Variants in ARL3 observed in about 807,000 individuals in gnomAD.
The protein encoded by ARL3 is ARF like GTPase 3, also known as ADP-ribosylation factor-like protein 3.
In ARL3, 9 loss-of-function variants were observed where a neutral mutation model predicts 26.0. The ratio of observed to expected loss-of-function variants is 0.35; its 90% CI spans 0.21 to 0.60. The LOEUF (loss-of-function observed/expected upper bound fraction) is 0.60. Ranked by LOEUF, ARL3 falls within the 20% of genes least tolerant of loss-of-function variation. The pLI, the probability that ARL3 is intolerant of heterozygous loss-of-function variation, is 0.78. For missense variants in ARL3, 158 were observed against 215.7 expected (o/e 0.73, Z 1.67); for synonymous variants, 71 against 78.4 (o/e 0.91, Z 0.50).
At chr10:102,678,012 A>G (rs1010965427) in intron 5 of ARL3, among the ~76,000 whole-genome samples, 13 of 152,154 alleles carry the variant, frequency 8.5e-5, no homozygotes, top group African/African-American at 3.1e-4. Flanking sequence ...CATTAATCCC[A>G]TAAACAATAC....
At chr10:102,702,933 G>A (rs907853605) in intron 2 of ARL3, among the ~76,000 whole-genome samples, 53 of 152,170 alleles carry the variant, frequency 3.5e-4, no homozygotes, top group African/African-American at 1.2e-3. Flanking sequence ...GTCTTATCAC[G>A]GTACAGTGAT....
intron 1 of ARL3, 34 bp downstream of exon 1, chr10:102,714,239 C>T: frequency 7.6e-7 from 1 of 1,313,384 alleles, no homozygotes. Context: ...GGATAACCGG[C>T]CGGCTCCAAG....
chr10:102,687,827 C>T (rs1172798808), intron 4 of ARL3, among the ~76,000 whole-genome samples: 1 of 152,090 alleles, frequency 6.6e-6, no homozygotes, highest in Non-Finnish European at 1.5e-5. Context: ...ACACCTGGCC[C>T]ATAGAACACT....
chr10:102,713,792 T>C (rs973814969), intron 1 of ARL3, among the ~76,000 whole-genome samples: 3 of 152,164 alleles, frequency 2.0e-5, no homozygotes, highest in African/African-American at 7.2e-5. Context: ...AGAGCTAGGC[T>C]ACCATCTCCC....
At chr10:102,704,690 A>G (rs1453000641) in intron 2 of ARL3, among the ~76,000 whole-genome samples, 1 of 152,094 alleles carries the variant, frequency 6.6e-6, no homozygotes, top group Non-Finnish European at 1.5e-5. Flanking sequence ...GAATATAGGT[A>G]CTCAGATCTG....
At chr10:102,708,878 ACCATATAT>A (rs2064322853) in intron 1 of ARL3, among the ~76,000 whole-genome samples, 1 of 124,272 alleles carries the variant, frequency 8.0e-6, no homozygotes, top group African/African-American at 2.9e-5. Flanking sequence ...AAAAAATAAA[ACCATATAT>A]TATATATATA....
chr10:102,683,120 C>T (rs1238120555), intron 5 of ARL3, among the ~76,000 whole-genome samples: 1 of 152,118 alleles, frequency 6.6e-6, no homozygotes, highest in African/African-American at 2.4e-5. Context: ...ACTTAAGTGA[C>T]TCTTTTTAAG....
chr10:102,709,835 C>G (rs2064329232), intron 1 of ARL3, among the ~76,000 whole-genome samples: 2 of 151,906 alleles, frequency 1.3e-5, no homozygotes, highest in Non-Finnish European at 2.9e-5. Context: ...GAGTTTGAGA[C>G]CAACCTGGCC....
intron 2 of ARL3, 90 bp downstream of exon 2, chr10:102,705,256 T>C (rs1414409960): frequency 2.9e-6 from 4 of 1,396,562 alleles, no homozygotes; most frequent in South Asian, 1.7e-5. Flanking sequence ...AACTTGGAAG[T>C]GGACAAAACT....
chr10:102,701,495 C>CTGAA (rs2064279255), intron 2 of ARL3, among the ~76,000 whole-genome samples: 1 of 152,118 alleles, frequency 6.6e-6, no homozygotes, highest in South Asian at 2.1e-4. Context: ...ACGCCAATGA[C>CTGAA]TGAATACATT....
At chr10:102,710,020 C>T (rs2064329975) in intron 1 of ARL3, among the ~76,000 whole-genome samples, 1 of 151,214 alleles carries the variant, frequency 6.6e-6, no homozygotes, top group Admixed American at 6.6e-5. Flanking sequence ...GGCCACAGAG[C>T]TAGACTGTTT....
At chr10:102,688,576 A>G (rs934241855) in intron 4 of ARL3, among the ~76,000 whole-genome samples, 30 of 147,242 alleles carry the variant, frequency 2.0e-4, no homozygotes, top group Non-Finnish European at 3.8e-4. Flanking sequence ...ATCTCGGCTC[A>G]GTGCAACCTC....
chr10:102,707,160 T>A (rs567040082), intron 1 of ARL3, among the ~76,000 whole-genome samples: 11 of 152,022 alleles, frequency 7.2e-5, no homozygotes, highest in African/African-American at 2.4e-4. Flanking sequence ...AAGCCAGGCA[T>A]GGTGGCGCAG....
At chr10:102,709,960 C>T (rs189464012) in intron 1 of ARL3, among the ~76,000 whole-genome samples, 4 of 149,322 alleles carry the variant, frequency 2.7e-5, no homozygotes, top group Admixed American at 2.0e-4. Context: ...CTTGAACCTG[C>T]GAGGTGGAGG....
chr10:102,704,679 A>G (rs116928769), intron 2 of ARL3, among the ~76,000 whole-genome samples: 3,537 of 152,266 alleles, frequency 0.023, 93 homozygotes, highest in Non-Finnish European at 0.029. Context: ...AAAAATAAAA[A>G]GAATATAGGT....
chr10:102,700,865 G>C (rs1301466466), intron 2 of ARL3, among the ~76,000 whole-genome samples: 1 of 146,768 alleles, frequency 6.8e-6, no homozygotes, highest in Non-Finnish European at 1.5e-5. Flanking sequence ...AGCCTCCCGA[G>C]TAGCTGGGAT....
At chr10:102,687,951 G>GTGTA (rs1223529971) in intron 4 of ARL3, among the ~76,000 whole-genome samples, 1 of 152,120 alleles carries the variant, frequency 6.6e-6, no homozygotes, top group Non-Finnish European at 1.5e-5. Flanking sequence ...ATGTGTGTGT[G>GTGTA]TGTATGAAAT....
intron 5 of ARL3, 40 bp downstream of exon 5, chr10:102,685,776 T>A (rs764730305): frequency 6.5e-7 from 1 of 1,544,272 alleles, no homozygotes; most frequent in East Asian, 2.3e-5. Flanking sequence ...CTCGGTTAGC[T>A]GTCATGTTGC....
chr10:102,698,871 C>G (rs189727709), intron 3 of ARL3, among the ~76,000 whole-genome samples: 20 of 152,346 alleles, frequency 1.3e-4, no homozygotes, highest in Middle Eastern at 6.8e-3. Context: ...GCTCTTGGCT[C>G]AGCCCTCTAG....
Sources: allele counts gnomAD v4.1 joint callset (sites outside exome capture counted in the v4.1 genomes callset), GRCh38; gene constraint gnomAD v4.1.1; transcripts MANE v1.5; gene names NCBI Gene and HGNC (gene_info 2026-07-23, HGNC 2026-07-21).